PDE4D: variants seen among roughly 807,000 people sequenced by gnomAD.
PDE4D encodes phosphodiesterase 4D.
PDE4D carries 24 observed loss-of-function variants against 87.4 expected under a neutral mutation model. That is an observed-to-expected ratio of 0.27 (90% CI 0.20 to 0.39). The LOEUF is 0.39. PDE4D is among the 10% of genes least tolerant of loss of function. PDE4D has a pLI of 1.00. For synonymous variants in PDE4D, 384 were observed against 383.2 expected, an observed-to-expected ratio of 1.00 and a Z score of -0.02; for missense variants, 714 against 1,041.0, an observed-to-expected ratio of 0.69 and a Z score of 4.32.
chr5:60,297,242 G>C (rs2149785641), intron 1 of PDE4D, among the ~76,000 whole-genome samples: 1 of 152,152 alleles, frequency 6.6e-6, no homozygotes, highest in South Asian at 2.1e-4. Flanking sequence ...AAAATTCATA[G>C]ATACTAAACC....
chr5:59,045,910 G>A (rs116267108), intron 5 of PDE4D, among the ~76,000 whole-genome samples: 1,921 of 152,272 alleles, frequency 0.013, 49 homozygotes, highest in African/African-American at 0.043. Context: ...CTTCTCTGAC[G>A]ATTATTCTTA....
At chr5:59,881,541 T>C (rs1368755279) in intron 1 of PDE4D, among the ~76,000 whole-genome samples, 1 of 152,202 alleles carries the variant, frequency 6.6e-6, no homozygotes, top group Non-Finnish European at 1.5e-5. Flanking sequence ...TTTAACTCTT[T>C]AATAAAATAA....
At chr5:59,226,364 G>A (rs153967) in intron 1 of PDE4D, among the ~76,000 whole-genome samples, 17,525 of 152,084 alleles carry the variant, frequency 0.12, 1,086 homozygotes, top group Non-Finnish European at 0.13. Context: ...GAATTTTGAG[G>A]ACATTATGCC....
At chr5:59,253,963 A>G (rs906721949) in intron 1 of PDE4D, among the ~76,000 whole-genome samples, 3 of 152,170 alleles carry the variant, frequency 2.0e-5, no homozygotes, top group Admixed American at 2.0e-4. Flanking sequence ...AATAAGGCAA[A>G]CTAATTTAAC....
intron 1 of PDE4D, among the ~76,000 whole-genome samples, chr5:60,381,350 G>GAA (rs1034113877): frequency 1.5e-4 from 23 of 152,116 alleles, no homozygotes; most frequent in Non-Finnish European, 3.1e-4. Context: ...AATTCTACTG[G>GAA]AAAAAAACTT....
intron 1 of PDE4D, among the ~76,000 whole-genome samples, chr5:59,230,811 G>A (rs1755003186): frequency 6.6e-6 from 1 of 152,124 alleles, no homozygotes; most frequent in Admixed American, 6.5e-5. Flanking sequence ...CCAAACAGAT[G>A]GGTTTTCTGC....
chr5:59,985,151 T>TTTTTTTTTG (rs1762322826), intron 3 of PDE4D, among the ~76,000 whole-genome samples: 1 of 133,184 alleles, frequency 7.5e-6, no homozygotes, highest in Admixed American at 7.7e-5. Context: ...TTTTGTTTTT[T>TTTTTTTTTG]ATTTTGAGAC....
intron 2 of PDE4D, among the ~76,000 whole-genome samples, chr5:60,102,771 C>T (rs147765238): frequency 6.2e-4 from 95 of 152,188 alleles, no homozygotes; most frequent in African/African-American, 1.7e-3. Flanking sequence ...TCATATTCAA[C>T]GTATTTTAAT....
chr5:59,851,773 G>T (rs983843572), intron 1 of PDE4D, among the ~76,000 whole-genome samples: 1 of 151,960 alleles, frequency 6.6e-6, no homozygotes, highest in African/African-American at 2.4e-5. Context: ...TGTGAAGAGG[G>T]TTACGCAGTA....
intron 1 of PDE4D, among the ~76,000 whole-genome samples, chr5:59,878,423 A>G (rs1413339092): frequency 1.3e-5 from 2 of 152,206 alleles, no homozygotes; most frequent in East Asian, 3.8e-4. Flanking sequence ...AAACTGCAAG[A>G]TTTTAAATTT....
chr5:59,896,280 C>G (rs573538397), upstream of PDE4D, among the ~76,000 whole-genome samples: 1 of 152,214 alleles, frequency 6.6e-6, no homozygotes, highest in South Asian at 2.1e-4. Context: ...TTTTATTATT[C>G]CTGCCAGGCT....
chr5:59,941,250 T>G (rs901268285), intron 3 of PDE4D, among the ~76,000 whole-genome samples: 1 of 152,174 alleles, frequency 6.6e-6, no homozygotes, highest in Non-Finnish European at 1.5e-5. Flanking sequence ...TTCGTGTGAT[T>G]GTCCTTCACT....
At chr5:59,215,697 A>T (rs984000956) in intron 2 of PDE4D, 80 bp downstream of exon 2, 212 of 1,199,482 alleles carry the variant, frequency 1.8e-4, no homozygotes, top group Non-Finnish European at 2.4e-4. Context: ...GTTGAACAAA[A>T]GTCATTAGTT....
chr5:59,942,488 CA>C (rs1167310050), intron 3 of PDE4D, among the ~76,000 whole-genome samples: 1 of 152,104 alleles, frequency 6.6e-6, no homozygotes. Context: ...GTCCTGGACA[CA>C]GTGAGAGAAT....
At chr5:60,086,372 C>T (rs1419175427) in intron 2 of PDE4D, among the ~76,000 whole-genome samples, 1 of 152,132 alleles carries the variant, frequency 6.6e-6, no homozygotes, top group Non-Finnish European at 1.5e-5. Context: ...AAAAGAACTG[C>T]TAGATATTAT....
intron 1 of PDE4D, among the ~76,000 whole-genome samples, chr5:60,302,126 G>T (rs1324756519): frequency 1.3e-5 from 2 of 152,174 alleles, no homozygotes; most frequent in African/African-American, 4.8e-5. Flanking sequence ...ATATTGGCCT[G>T]AAGTTTTCTT....
intron 3 of PDE4D, among the ~76,000 whole-genome samples, chr5:59,903,341 G>A (rs1752481921): frequency 6.6e-6 from 1 of 151,744 alleles, no homozygotes; most frequent in Non-Finnish European, 1.5e-5. Context: ...AATAGAAGAT[G>A]GGGAGTGACA....
At chr5:60,121,008 T>A (rs1210194328) in intron 2 of PDE4D, among the ~76,000 whole-genome samples, 1 of 152,004 alleles carries the variant, frequency 6.6e-6, no homozygotes, top group Non-Finnish European at 1.5e-5. Context: ...TGTGAAAACA[T>A]GAGACTGGCC....
intron 5 of PDE4D, among the ~76,000 whole-genome samples, chr5:59,117,441 C>A (rs767156661): frequency 2.1e-4 from 32 of 152,228 alleles, no homozygotes; most frequent in Non-Finnish European, 2.2e-4. Context: ...GACGGCCACA[C>A]TTGTCACACA....
Sources: allele counts gnomAD v4.1 joint callset (sites outside exome capture counted in the v4.1 genomes callset), GRCh38; gene constraint gnomAD v4.1.1; transcripts MANE v1.5; gene names NCBI Gene and HGNC (gene_info 2026-07-23, HGNC 2026-07-21).